The following KANTR variants were observed in gnomAD, a reference collection of about 807,000 sequenced individuals.
The protein encoded by KANTR is KANTR integral membrane protein.
At position 53,122,442 on chromosome X, in the gene KANTR, T is replaced by C. The variant is rs192161981; in HGVS notation, c.-804-1027T>C. ...TTTCCAATCTTTATGCCTTTATTTT[T>C]CTTGTCGTACTGAGATGACCAGGAC... On this transcript the variant is annotated intron_variant, in intron 2 of 2. Coordinates refer to ENST00000604062, the Ensembl canonical transcript of KANTR. 2.7e-5 allele frequency among the ~76,000 whole-genome samples: 3 copies of C among 111,799 alleles called. No homozygotes were observed. The Admixed American group carries it at 2.9e-4, about 11-fold the overall frequency.
intron 2 of KANTR, among the ~76,000 whole-genome samples, chrX:53,134,464 T>C (rs1933397406): frequency 8.9e-6 from 1 of 111,887 alleles, no homozygotes; most frequent in South Asian, 3.7e-4. Context: ...GGATCCACAG[T>C]TGGCTTCTCA....
At chrX:53,117,100 G>A (rs1162897786) in intron 2 of KANTR, among the ~76,000 whole-genome samples, 1 of 110,717 alleles carries the variant, frequency 9.0e-6, no homozygotes, top group Non-Finnish European at 1.9e-5. Context: ...TGGCCAACAT[G>A]GTGAAATCCC....
intron 2 of KANTR, among the ~76,000 whole-genome samples, chrX:53,103,555 C>T (rs1556812222): frequency 9.0e-6 from 1 of 111,039 alleles, no homozygotes; most frequent in African/African-American, 3.3e-5. Context: ...GCCACTTCAG[C>T]GTACTTACCA....
At chrX:53,146,124 C>T (rs1318638493), downstream of KANTR, among the ~76,000 whole-genome samples, 1 of 112,280 alleles carries the variant, frequency 8.9e-6, no homozygotes, top group East Asian at 2.8e-4. Context: ...AGCTCCTCAC[C>T]AGCAATGGAA....
chrX:53,101,192 T>C (rs1556811788), intron 2 of KANTR, among the ~76,000 whole-genome samples: 1 of 113,167 alleles, frequency 8.8e-6, no homozygotes, highest in Non-Finnish European at 1.9e-5. Context: ...CAAAAACTTT[T>C]CCTTTGCATT....
intron 2 of KANTR, among the ~76,000 whole-genome samples, chrX:53,100,713 G>A (rs1277987242): frequency 1.8e-5 from 2 of 108,461 alleles, no homozygotes; most frequent in South Asian, 3.9e-4. Context: ...CAGGAGAATC[G>A]GTTGAAACCC....
intron 2 of KANTR, among the ~76,000 whole-genome samples, chrX:53,106,510 C>T (rs1277440961): frequency 3.7e-5 from 4 of 109,529 alleles, no homozygotes; most frequent in African/African-American, 1.0e-4. Context: ...TCAAGTGATC[C>T]CCCCACCTCA....
intron 2 of KANTR, among the ~76,000 whole-genome samples, chrX:53,120,096 G>A (rs1337941257): frequency 9.1e-6 from 1 of 110,406 alleles, no homozygotes; most frequent in Non-Finnish European, 1.9e-5. Context: ...GAGTGCAGTG[G>A]TACAGTAAGT....
At chrX:53,125,423 A>G (rs1933281627) in exon 3 of KANTR, 1 of 111,451 alleles carries the variant, frequency 9.0e-6, no homozygotes, top group Non-Finnish European at 1.9e-5. Context: ...TTCTACCATC[A>G]TACTTTTTTA....
chrX:53,114,340 C>T (rs1212752740), intron 2 of KANTR, among the ~76,000 whole-genome samples: 1 of 112,876 alleles, frequency 8.9e-6, no homozygotes. Context: ...AGCCACCGTG[C>T]TTGGCCTCCC....
chrX:53,122,490 T>C (rs955097535), intron 2 of KANTR, among the ~76,000 whole-genome samples: 1 of 111,711 alleles, frequency 9.0e-6, no homozygotes, highest in Non-Finnish European at 1.9e-5. Flanking sequence ...GATGACAGCA[T>C]GCATCTGTGT....
intron 2 of KANTR, among the ~76,000 whole-genome samples, chrX:53,137,929 G>C (rs1317407901): frequency 2.7e-5 from 3 of 109,883 alleles, no homozygotes; most frequent in Admixed American, 9.7e-5. Flanking sequence ...TTTTTTTCTT[G>C]ATCACTGGTC....
downstream of KANTR, among the ~76,000 whole-genome samples, chrX:53,129,849 A>AATTTATATATTT (rs1933339403): frequency 1.0e-5 from 1 of 98,980 alleles, no homozygotes; most frequent in Admixed American, 1.2e-4. Flanking sequence ...TCTCCTTACA[A>AATTTATATATTT]ATTTATTTAT....
intron 2 of KANTR, among the ~76,000 whole-genome samples, chrX:53,138,953 G>A (rs1453947928): frequency 1.8e-5 from 2 of 110,624 alleles, no homozygotes; most frequent in East Asian, 2.9e-4. Context: ...GTGTCTCAAC[G>A]CCTGTAATCT....
chrX:53,124,668 T>C (rs898132014), exon 3 of KANTR: 4 of 278,203 alleles, frequency 1.4e-5, no homozygotes, highest in Admixed American at 6.4e-5. Flanking sequence ...AGGTTACTTC[T>C]TTGACCTGTA....
chrX:53,143,627 T>C, downstream of KANTR: 2 of 727,092 alleles, frequency 2.8e-6, no homozygotes, highest in Non-Finnish European at 4.4e-6. Flanking sequence ...TCTGGGGTCA[T>C]GCACAGCTCG....
At chrX:53,096,593 AGGTGGGCAG>A (rs1326660886) in intron 1 of KANTR, among the ~76,000 whole-genome samples, 2 of 112,104 alleles carry the variant, frequency 1.8e-5, no homozygotes, top group Non-Finnish European at 3.8e-5. Flanking sequence ...TGGGAGGCCA[AGGTGGGCAG>A]ATCGCTTGAG....
chrX:53,117,692 C>T (rs1933153975), intron 2 of KANTR, among the ~76,000 whole-genome samples: 1 of 96,569 alleles, frequency 1.0e-5, no homozygotes, highest in Non-Finnish European at 2.0e-5. Flanking sequence ...GTGATCTCGG[C>T]TCACTGTAAC....
At chrX:53,102,991 T>G (rs1353039062) in intron 2 of KANTR, among the ~76,000 whole-genome samples, 2 of 104,768 alleles carry the variant, frequency 1.9e-5, no homozygotes, top group Admixed American at 2.1e-4. Context: ...TTTGTTTTTT[T>G]TTTTTTTTTT....
Sources: gnomAD v4.1 joint callset for allele counts (sites outside exome capture counted in the v4.1 genomes callset) on GRCh38, gnomAD v4.1.1 for gene constraint, MANE v1.5 for transcripts, NCBI Gene and HGNC (gene_info 2026-07-23, HGNC 2026-07-21) for gene names.